The following HNRNPUL1 variants were observed in gnomAD, a reference collection of about 807,000 sequenced individuals.
HNRNPUL1 encodes the protein heterogeneous nuclear ribonucleoprotein U like 1, also known as heterogeneous nuclear ribonucleoprotein U-like protein 1.
A neutral mutation model predicts 108.5 loss-of-function variants in HNRNPUL1; 14 were observed. The ratio of observed to expected loss-of-function variants is 0.13; its 90% CI spans 0.09 to 0.20. The LOEUF is 0.20. Among genes scored for constraint, HNRNPUL1 ranks in the 10% least tolerant of loss-of-function variants. The pLI is 1.00. For missense variants in HNRNPUL1, 804 were observed against 1,168.3 expected, an observed-to-expected ratio of 0.69 and a Z score of 4.55; for synonymous variants, 422 against 445.2, an observed-to-expected ratio of 0.95 and a Z score of 0.66.
chr19:41,301,667 G>A lies in HNRNPUL1; in HGVS notation c.1650G>A (p.Gly550=). The A allele has an allele frequency of 6.2e-7, 1 of 1,613,956 alleles. No homozygotes were observed. Among genetic ancestry groups the A allele is most frequent in the Non-Finnish European group, 8.5e-7 (1 of 1,179,946 alleles). ...DRTIKRTDEE[G]KDVPDHAVLE... is the part of the protein sequence containing the mutation. ...CAATAAAGCGAACCGACGAGGAAGG[G>A]AAGGATGTCCCAGATCATGCGGTCT... Residue 550 remains glycine, a synonymous_variant, in exon 11 of 15, where the codon GGG becomes GGA. Coordinates refer to ENST00000392006, the MANE Select transcript of HNRNPUL1 (RefSeq NM_007040.6).
chr19:41,302,262 A>G (rs1599853474), intron 11 of HNRNPUL1: 1 of 129,040 alleles, frequency 7.7e-6, no homozygotes, highest in Non-Finnish European at 1.5e-5. Flanking sequence ...CCTGTCACCC[A>G]GGCTGGAGTA....
In HNRNPUL1 at chr19:41,306,664, G is replaced by C; in HGVS notation, c.*99G>C. 1.4e-6 allele frequency: 1 copy of C among 708,584 alleles called. No homozygotes were observed. Among genetic ancestry groups the C allele is most frequent in the Non-Finnish European group, 2.2e-6 (1 of 456,808 alleles). 43.9% of individuals were successfully genotyped at this position (708,584 alleles called of 1,614,324 possible). Reference sequence around the variant, plus strand: ...CCCCCGCCAGATCCCGTGGTGCTGGGGATGGGGTCATCCCAGGGCTGCCTC... The same window carrying C: ...CCCCCGCCAGATCCCGTGGTGCTGGCGATGGGGTCATCCCAGGGCTGCCTC... On this transcript the variant is annotated 3_prime_UTR_variant, in exon 15 of 15. Transcript: ENST00000392006.
Position 41,294,512 on chromosome 19 carries a change from G to A in HNRNPUL1, c.1390-46G>A, listed in dbSNP as rs2036774397. 1.2e-6 allele frequency: 2 copies of A among 1,613,674 alleles called. No individual in the cohort carries two copies. Among genetic ancestry groups the A allele is most frequent in the Non-Finnish European group, 8.5e-7 (1 of 1,179,724 alleles). ...ACTCACCTCCAACCTACTGAGTGCT[G>A]CCCTGCAACTAAAATCACTCACCCC... On this transcript the variant is annotated intron_variant, in intron 9 of 14. Transcript: ENST00000392006. The surrounding 1 kb of genome is among the most constrained non-coding windows in gnomAD (Gnocchi z 4.3).
rs1252189098 is a variant in HNRNPUL1 at position 41,305,660 on chromosome 19, T to C, written c.2263-16T>C. 3.7e-6 allele frequency: 6 copies of C among 1,613,902 alleles called. No individual in the cohort carries two copies. The highest frequency in any genetic ancestry group is 5.1e-6 in the Non-Finnish European group (6 of 1,179,920). ...CTATTTCACAGAGCTTTGGCTTTTT[T>C]CCCTCCACTTTCCAGCCGAGTTACA... On this transcript the variant is annotated splice_polypyrimidine_tract_variant and intron_variant, in intron 13 of 14. Transcript: ENST00000392006.
chr19:41,266,171 A>G (rs1018657331), intron 1 of HNRNPUL1, among the ~76,000 whole-genome samples: 2 of 152,268 alleles, frequency 1.3e-5, no homozygotes, highest in African/African-American at 4.8e-5. Flanking sequence ...GCAGTGGCTC[A>G]CGCCTGTTAT....
At chr19:41,289,771 G>C (rs113244942) in intron 7 of HNRNPUL1, among the ~76,000 whole-genome samples, 9,273 of 142,326 alleles carry the variant, frequency 0.065, 373 homozygotes, top group South Asian at 0.13. Flanking sequence ...GGAGTGCTGT[G>C]ACATGATCTC....
intron 2 of HNRNPUL1, among the ~76,000 whole-genome samples, chr19:41,270,132 G>A (rs2035131244): frequency 6.6e-6 from 1 of 152,094 alleles, no homozygotes; most frequent in Non-Finnish European, 1.5e-5. Context: ...TCAGGCGCCT[G>A]CCACCACACC....
chr19:41,301,392 A>G, intron 10 of HNRNPUL1, 144 bp from the exon 11 acceptor site: 1 of 649,374 alleles, frequency 1.5e-6, no homozygotes, highest in Non-Finnish European at 2.6e-6. Flanking sequence ...TCTTCTAAGT[A>G]AAGAAGAGCT....
intron 7 of HNRNPUL1, among the ~76,000 whole-genome samples, chr19:41,285,723 G>A (rs1190710533): frequency 6.6e-6 from 1 of 152,010 alleles, no homozygotes; most frequent in African/African-American, 2.4e-5. Flanking sequence ...TGATATTGGA[G>A]AATGCCACCA....
intron 6 of HNRNPUL1, among the ~76,000 whole-genome samples, chr19:41,279,773 T>G (rs916649359): frequency 6.6e-6 from 1 of 152,212 alleles, no homozygotes; most frequent in African/African-American, 2.4e-5. Flanking sequence ...CGTATAAGAA[T>G]TCAGGCCATA....
At position 41,302,652 on chromosome 19, in the gene HNRNPUL1, TC is replaced by T. The variant is rs1218747313; in HGVS notation, c.1688-11del. On this transcript the variant is annotated splice_polypyrimidine_tract_variant and intron_variant, in intron 11 of 14. Transcript: ENST00000392006. ...TTCTTCTTGTTCTCTTTGGGGCACTTCCTTCCTCCTAGCCAACTTCACGTTG... is the reference window on the plus strand; with the variant it reads ...TTCTTCTTGTTCTCTTTGGGGCACTTCTTCCTCCTAGCCAACTTCACGTTG... 7 of 1,614,086 alleles carry T rather than the reference TC, an allele frequency of 4.3e-6. No individual in the cohort carries two copies. The Admixed American group carries it at 1.2e-4, about 27-fold the overall frequency.
chr19:41,270,096 C>T (rs966893060), intron 2 of HNRNPUL1, among the ~76,000 whole-genome samples: 1 of 152,292 alleles, frequency 6.6e-6, no homozygotes, highest in South Asian at 2.1e-4. Flanking sequence ...GATTCTCCTG[C>T]CTCAGCCTCC....
intron 4 of HNRNPUL1, among the ~76,000 whole-genome samples, chr19:41,274,936 G>A (rs549908698): frequency 5.9e-5 from 9 of 152,300 alleles, no homozygotes; most frequent in African/African-American, 1.9e-4. Context: ...ATGAGGCAGC[G>A]TCTAGATGAA....
intron 10 of HNRNPUL1, among the ~76,000 whole-genome samples, chr19:41,299,284 A>G (rs2037063178): frequency 6.6e-6 from 1 of 152,144 alleles, no homozygotes; most frequent in Non-Finnish European, 1.5e-5. Context: ...GGGACAGGGA[A>G]GAACATTTTT....
At chr19:41,268,730 C>T (rs1385175076) in intron 2 of HNRNPUL1, among the ~76,000 whole-genome samples, 10 of 151,856 alleles carry the variant, frequency 6.6e-5, no homozygotes, top group Admixed American at 6.6e-4. Flanking sequence ...TGGTGGCAGG[C>T]ACCTGTAATC....
chr19:41,285,618 G>A (rs1400837090), intron 7 of HNRNPUL1, among the ~76,000 whole-genome samples: 1 of 152,168 alleles, frequency 6.6e-6, no homozygotes. Flanking sequence ...AGGTGTGGAT[G>A]ATGAAAATCC....
At chr19:41,290,209 G>C (rs866075264) in intron 7 of HNRNPUL1, among the ~76,000 whole-genome samples, 9 of 152,302 alleles carry the variant, frequency 5.9e-5, no homozygotes, top group Middle Eastern at 3.4e-3. Flanking sequence ...ATATCAGAAA[G>C]CGAACCGTGT....
chr19:41,269,835 A>G (rs1015694401), intron 2 of HNRNPUL1, among the ~76,000 whole-genome samples: 3 of 152,146 alleles, frequency 2.0e-5, no homozygotes, highest in Admixed American at 6.5e-5. Context: ...TGGCTGTTAC[A>G]TGCCTGTAAT....
intron 10 of HNRNPUL1, among the ~76,000 whole-genome samples, chr19:41,297,220 C>T (rs891490059): frequency 6.4e-4 from 98 of 152,360 alleles, no homozygotes; most frequent in African/African-American, 2.3e-3. Context: ...ACTCAGTGTA[C>T]TGATAGATCA....
Sources: gnomAD v4.1 joint callset for allele counts (sites outside exome capture counted in the v4.1 genomes callset) on GRCh38, gnomAD v4.1.1 for gene constraint, Gnocchi (gnomAD v3.1) non-coding constraint, MANE v1.5 for transcripts, NCBI Gene and HGNC (gene_info 2026-07-23, HGNC 2026-07-21) for gene names.